The following CPEB3 variants were observed in gnomAD, a reference collection of about 807,000 sequenced individuals.
The protein encoded by CPEB3 is cytoplasmic polyadenylation element binding protein 3.
Under a neutral mutation model 67.2 loss-of-function variants are expected in CPEB3, and 20 were observed. The observed-to-expected ratio is 0.30, with a 90% CI of 0.21 to 0.43. The LOEUF (loss-of-function observed/expected upper bound fraction) is 0.43, where lower values mean the gene tolerates loss of function less well. Among genes scored for constraint, CPEB3 ranks in the 20% least tolerant of loss-of-function variants. The pLI is 1.00. For synonymous variants in CPEB3, 376 were observed against 393.1 expected (o/e 0.96, Z 0.51); for missense variants, 746 against 968.6 (o/e 0.77, Z 3.05).
At chr10:92,137,775 G>A in intron 6 of CPEB3, 1 of 272,298 alleles carries the variant, frequency 3.7e-6, no homozygotes, top group Admixed American at 5.2e-5. Context: ...AAGGTGGGCG[G>A]ATCACAAGGT....
intron 1 of CPEB3, among the ~76,000 whole-genome samples, chr10:92,251,305 T>C (rs923937749): frequency 1.3e-5 from 2 of 152,152 alleles, no homozygotes; most frequent in African/African-American, 4.8e-5. Flanking sequence ...CTGTACCTTC[T>C]TCCCTTTTCC....
chr10:92,091,602 C>T (rs915909397), intron 8 of CPEB3, among the ~76,000 whole-genome samples: 3 of 152,168 alleles, frequency 2.0e-5, no homozygotes, highest in Non-Finnish European at 2.9e-5. Context: ...AAATAGAATT[C>T]ATTTTGTCAA....
chr10:92,094,807 T>TGA (rs1843781509), intron 7 of CPEB3, among the ~76,000 whole-genome samples: 1 of 116,940 alleles, frequency 8.6e-6, no homozygotes, highest in Non-Finnish European at 1.8e-5. Flanking sequence ...AAGATTCTAA[T>TGA]GACACACACA....
intron 9 of CPEB3, among the ~76,000 whole-genome samples, chr10:92,081,089 A>T (rs1286121034): frequency 6.6e-6 from 1 of 152,166 alleles, no homozygotes; most frequent in African/African-American, 2.4e-5. Context: ...ATTTTGCAGG[A>T]TTATTTTCAT....
chr10:92,047,750 A>AG lies in CPEB3; in HGVS notation c.*4461_*4462insC, dbSNP rs1852153487. The AG allele has an allele frequency of 6.6e-6, 1 of 152,236 alleles. No individual in the cohort carries two copies. The highest frequency in any genetic ancestry group is 2.4e-5 in the African/African-American group (1 of 41,464). 9.4% of individuals were successfully genotyped at this position (152,236 alleles called of 1,614,324 possible). On this transcript the variant is annotated 3_prime_UTR_variant, in exon 10 of 10. Coordinates refer to ENST00000265997, the MANE Select transcript of CPEB3 (RefSeq NM_014912.5). ...ATATATTATTTACAAAACTGAATAC[A>AG]TAGAGCATACCCAAGACCAACTCTG...
chr10:92,260,319 G>A (rs1436643747), intron 1 of CPEB3, among the ~76,000 whole-genome samples: 1 of 152,132 alleles, frequency 6.6e-6, no homozygotes, highest in Non-Finnish European at 1.5e-5. Context: ...GGGAGGCAGA[G>A]GCGGGCAGAT....
chr10:92,262,673 C>T (rs933581230), intron 1 of CPEB3, among the ~76,000 whole-genome samples: 1 of 152,046 alleles, frequency 6.6e-6, no homozygotes, highest in Non-Finnish European at 1.5e-5. Flanking sequence ...ATACAGAGAT[C>T]TTGTCTCTTT....
intron 1 of CPEB3, among the ~76,000 whole-genome samples, chr10:92,266,445 C>T (rs1853060712): frequency 6.6e-6 from 1 of 152,102 alleles, no homozygotes; most frequent in South Asian, 2.1e-4. Flanking sequence ...AAGCACAAGC[C>T]CTAAGCTTCA....
At chr10:92,167,052 T>C (rs1276259979) in intron 4 of CPEB3, among the ~76,000 whole-genome samples, 1 of 152,208 alleles carries the variant, frequency 6.6e-6, no homozygotes, top group African/African-American at 2.4e-5. Flanking sequence ...GTTTGCCAGC[T>C]TCTAGCTTTT....
chr10:92,239,612 T>G lies in CPEB3; in HGVS notation c.739A>C (p.Ser247Arg). ...SASSSWNTHQ[S>R]VNAAWSAPSN... ...GGTGCGCTCCAGGCTGCATTCACGC[T>G]TTGGTGCGTGTTCCAGCTGGACGAG... The change falls in exon 2 of 10, where the codon AGC (serine) becomes CGC (arginine). Residue 247 changes from serine (S) to arginine (R), a missense_variant. Physicochemically the swap from Ser to Arg is moderately radical, Grantham distance 110 (BLOSUM62 -1). Coordinates refer to ENST00000265997, the MANE Select transcript of CPEB3 (RefSeq NM_014912.5). The surrounding 1 kb of genome is among the most constrained non-coding windows in gnomAD (Gnocchi z 6.0). 1 of 1,557,136 alleles carries G rather than the reference T, an allele frequency of 6.4e-7. No individual in the cohort carries two copies. The highest frequency in any genetic ancestry group is 8.7e-7 in the Non-Finnish European group (1 of 1,150,578).
At chr10:92,062,573 T>C (rs1842396998) in intron 9 of CPEB3, among the ~76,000 whole-genome samples, 1 of 152,224 alleles carries the variant, frequency 6.6e-6, no homozygotes, top group Non-Finnish European at 1.5e-5. Context: ...AAATAACTTA[T>C]GCTCTATAAA....
chr10:92,073,372 G>C (rs1198315529), intron 9 of CPEB3, among the ~76,000 whole-genome samples: 2 of 151,940 alleles, frequency 1.3e-5, no homozygotes, highest in African/African-American at 4.8e-5. Flanking sequence ...ATGTTTCAGA[G>C]GCCAGGCACA....
intron 2 of CPEB3, among the ~76,000 whole-genome samples, chr10:92,231,160 T>C (rs1453006539): frequency 1.3e-5 from 2 of 152,164 alleles, no homozygotes; most frequent in Non-Finnish European, 2.9e-5. Flanking sequence ...GTGTGACATG[T>C]CTATATATAC....
chr10:92,221,671 T>C (rs965075009), intron 2 of CPEB3, among the ~76,000 whole-genome samples: 2 of 152,164 alleles, frequency 1.3e-5, no homozygotes, highest in African/African-American at 2.4e-5. Context: ...AATTAAGTCA[T>C]GGAGGCTCTG....
intron 2 of CPEB3, among the ~76,000 whole-genome samples, chr10:92,232,951 T>C (rs1590469627): frequency 6.6e-6 from 1 of 152,218 alleles, no homozygotes; most frequent in African/African-American, 2.4e-5. Flanking sequence ...TATATAGTTT[T>C]ATATTAACGT....
chr10:92,100,881 G>A (rs1388855327), intron 7 of CPEB3, among the ~76,000 whole-genome samples: 5 of 152,148 alleles, frequency 3.3e-5, no homozygotes, highest in South Asian at 2.1e-4. Context: ...GTGAGCCACC[G>A]TGCCCGGCCA....
intron 6 of CPEB3, among the ~76,000 whole-genome samples, chr10:92,138,607 T>G (rs1846233434): frequency 2.0e-5 from 3 of 151,716 alleles, no homozygotes; most frequent in African/African-American, 7.3e-5. Context: ...TGCTCAATAT[T>G]ACTGATTGTC....
At chr10:92,200,405 C>T (rs1435408412) in intron 2 of CPEB3, among the ~76,000 whole-genome samples, 2 of 151,884 alleles carry the variant, frequency 1.3e-5, no homozygotes, top group African/African-American at 4.8e-5. Flanking sequence ...ATTAGCCGGG[C>T]GTGGTGGCGC....
At chr10:92,130,061 T>C (rs556445771) in intron 6 of CPEB3, among the ~76,000 whole-genome samples, 1 of 151,530 alleles carries the variant, frequency 6.6e-6, no homozygotes, top group Non-Finnish European at 1.5e-5. Flanking sequence ...AAAAACAAAT[T>C]ACAGCCACAC....
Sources: gnomAD v4.1 joint callset for allele counts (sites outside exome capture counted in the v4.1 genomes callset) on GRCh38, gnomAD v4.1.1 for gene constraint, Gnocchi (gnomAD v3.1) non-coding constraint, MANE v1.5 for transcripts, NCBI Gene and HGNC (gene_info 2026-07-23, HGNC 2026-07-21) for gene names.